The following HIPK2 variants were observed in gnomAD, a reference collection of about 807,000 sequenced individuals.
HIPK2 encodes homeodomain-interacting protein kinase 2.
HIPK2 carries 27 observed loss-of-function variants against 113.7 expected under a neutral mutation model. That is an observed-to-expected ratio of 0.24 (90% confidence interval 0.17 to 0.33). The LOEUF (loss-of-function observed/expected upper bound fraction) is 0.33. Among genes scored for constraint, HIPK2 ranks in the 10% least tolerant of loss-of-function variants. The pLI is 1.00. For missense variants in HIPK2, 1,257 were observed against 1,588.0 expected, an observed-to-expected ratio of 0.79 and a Z score of 3.54; for synonymous variants, 631 against 642.2, an observed-to-expected ratio of 0.98 and a Z score of 0.26.
At chr7:139,622,893 T>G (rs1800283244) in intron 6 of HIPK2, among the ~76,000 whole-genome samples, 1 of 152,190 alleles carries the variant, frequency 6.6e-6, no homozygotes, top group Admixed American at 6.5e-5. Flanking sequence ...GCTCACGGTC[T>G]CCATGTGACC....
chr7:139,684,730 G>T (rs1794167756), intron 2 of HIPK2, among the ~76,000 whole-genome samples: 1 of 152,148 alleles, frequency 6.6e-6, no homozygotes, highest in Admixed American at 6.5e-5. Context: ...CATAAAAAAA[G>T]CTGAGACAGG....
chr7:139,777,552 G>C (rs1779475896), intron 1 of HIPK2, 53 bp downstream of exon 1: 3 of 875,622 alleles, frequency 3.4e-6, no homozygotes, highest in African/African-American at 1.8e-5. Flanking sequence ...ACAAAGCTGC[G>C]GGGGCCGCGG....
intron 9 of HIPK2, among the ~76,000 whole-genome samples, chr7:139,610,668 G>A (rs113363152): frequency 5.6e-4 from 85 of 152,274 alleles, no homozygotes; most frequent in African/African-American, 1.9e-3. Flanking sequence ...ACTTCATATC[G>A]ATCTTAAACA....
intron 6 of HIPK2, among the ~76,000 whole-genome samples, chr7:139,621,178 A>G (rs989826612): frequency 5.3e-5 from 8 of 152,238 alleles, no homozygotes; most frequent in African/African-American, 1.7e-4. Context: ...TGTCCTAATA[A>G]TAATACTCTG....
intron 10 of HIPK2, among the ~76,000 whole-genome samples, 184 bp from the exon 11 acceptor site, chr7:139,600,780 G>A (rs1799397348): frequency 6.6e-6 from 1 of 152,178 alleles, no homozygotes; most frequent in African/African-American, 2.4e-5. Context: ...TACTCATAAG[G>A]AGTAGGTGAA....
chr7:139,587,771 G>A (rs1259744309), intron 12 of HIPK2, among the ~76,000 whole-genome samples: 3 of 152,078 alleles, frequency 2.0e-5, no homozygotes, highest in Middle Eastern at 3.4e-3. Context: ...CTAGCTGCTC[G>A]GGAGACTGAG....
At chr7:139,682,314 A>C (rs1317015656) in intron 2 of HIPK2, among the ~76,000 whole-genome samples, 11 of 152,192 alleles carry the variant, frequency 7.2e-5, no homozygotes, top group South Asian at 2.1e-4. Flanking sequence ...TGGGCTTGGC[A>C]CCAGGAACAC....
chr7:139,686,659 G>C (rs1051323888), intron 2 of HIPK2, among the ~76,000 whole-genome samples: 3 of 152,194 alleles, frequency 2.0e-5, no homozygotes, highest in African/African-American at 7.2e-5. Context: ...ATGATTGTAA[G>C]TTTTCTAAGG....
rs1201402491 is a variant in HIPK2, at chr7:139,777,587, G to A, written c.19+18C>T. Reference sequence around the variant, plus strand: ...GAGGGCGGCGGGCGCGGGGTCGGCGGGGCCGGGCGCCCCTTACCTTCGTAC... The same window carrying A: ...GAGGGCGGCGGGCGCGGGGTCGGCGAGGCCGGGCGCCCCTTACCTTCGTAC... On this transcript the variant is annotated intron_variant, in intron 1 of 14. Coordinates refer to ENST00000406875, the MANE Select transcript of HIPK2 (RefSeq NM_022740.5). The A allele has an allele frequency of 5.7e-6, 6 of 1,045,716 alleles. No individual in the cohort carries two copies. The highest frequency in any genetic ancestry group is 6.3e-5 in the East Asian group (1 of 15,970). The allele number at this position is 1,045,716 out of a possible 1,614,324, so 64.8% of individuals were successfully genotyped here. A position where few individuals can be genotyped will look rare whatever the true frequency, so the allele number is the denominator to read the frequency against.
At chr7:139,608,453 T>C (rs1434267631) in intron 9 of HIPK2, among the ~76,000 whole-genome samples, 1 of 151,236 alleles carries the variant, frequency 6.6e-6, no homozygotes, top group African/African-American at 2.4e-5. Flanking sequence ...GACTATAATT[T>C]TCCTATAAGT....
intron 1 of HIPK2, among the ~76,000 whole-genome samples, chr7:139,764,535 C>G (rs186922934): frequency 2.2e-4 from 34 of 152,170 alleles, no homozygotes; most frequent in African/African-American, 8.2e-4. Context: ...AATTCCAGAA[C>G]AGCAGTATAT....
chr7:139,689,631 C>T (rs1465329270), intron 2 of HIPK2, among the ~76,000 whole-genome samples: 1 of 152,124 alleles, frequency 6.6e-6, no homozygotes, highest in Non-Finnish European at 1.5e-5. Context: ...ACCTGATGAG[C>T]CCAGCCTGGA....
At chr7:139,748,514 G>A (rs533232269) in intron 1 of HIPK2, among the ~76,000 whole-genome samples, 53 of 151,988 alleles carry the variant, frequency 3.5e-4, no homozygotes, top group Middle Eastern at 3.4e-3. Flanking sequence ...CCTAGTTTCC[G>A]GTGGGCGCTG....
chr7:139,586,452 C>G (rs1254339607), intron 12 of HIPK2, among the ~76,000 whole-genome samples: 1 of 151,874 alleles, frequency 6.6e-6, no homozygotes, highest in African/African-American at 2.4e-5. Flanking sequence ...TGTATCCATA[C>G]AGTGGAATAC....
intron 11 of HIPK2, among the ~76,000 whole-genome samples, chr7:139,599,383 GCAGT>G (rs759012908): frequency 9.2e-5 from 14 of 152,142 alleles, no homozygotes; most frequent in Non-Finnish European, 2.1e-4. Flanking sequence ...AGGATTCTTC[GCAGT>G]CAATCTCCTC....
intron 1 of HIPK2, among the ~76,000 whole-genome samples, chr7:139,748,574 T>C (rs11972982): frequency 0.2 from 30,889 of 151,824 alleles, 6,571 homozygotes; most frequent in African/African-American, 0.51. Context: ...CAGTCTCTGC[T>C]TTCGTGCTCA....
At position 139,614,296 on chromosome 7, in the gene HIPK2, G is replaced by A. The variant is rs763997904; in HGVS notation, c.1980C>T (p.Pro660=). ...PFQQALIVCP[P]GFQGLQASPS... ...GCTGCTCAATCTTACCTTGGAAGCC[G>A]GGGGGACACACGATGAGAGCTTGCT... Residue 660 remains proline (P), a synonymous_variant, in exon 8 of 15, where the codon CCC becomes CCT. Coordinates refer to ENST00000406875, the MANE Select transcript of HIPK2 (RefSeq NM_022740.5). 21 of 1,509,124 alleles carry A rather than the reference G, an allele frequency of 1.4e-5. No individual in the cohort carries two copies. The highest frequency in any genetic ancestry group is 7.0e-5 in the African/African-American group (5 of 71,854). The allele number at this position is 1,509,124 out of a possible 1,614,324, so 93.5% of individuals were successfully genotyped here. A position where few individuals can be genotyped will look rare whatever the true frequency, so the allele number is the denominator to read the frequency against.
At chr7:139,704,925 C>T (rs1794844878) in intron 2 of HIPK2, among the ~76,000 whole-genome samples, 1 of 152,190 alleles carries the variant, frequency 6.6e-6, no homozygotes, top group Admixed American at 6.5e-5. Context: ...CCTTCCTCCC[C>T]AAGCAACCAA....
At chr7:139,575,064 C>G in intron 14 of HIPK2, 64 bp downstream of exon 14, 1 of 1,514,732 alleles carries the variant, frequency 6.6e-7, no homozygotes, top group Non-Finnish European at 8.8e-7. Context: ...GCAATCCTCT[C>G]TGAAGCGGAA....
Sources: gnomAD v4.1 joint callset for allele counts (sites outside exome capture counted in the v4.1 genomes callset) on GRCh38, gnomAD v4.1.1 for gene constraint, MANE v1.5 for transcripts, NCBI Gene and HGNC (gene_info 2026-07-23, HGNC 2026-07-21) for gene names.